PID1: variants seen among roughly 807,000 people sequenced by gnomAD.
The protein encoded by PID1 is PTB-containing, cubilin and LRP1-interacting protein.
A neutral mutation model predicts 19.1 loss-of-function variants in PID1; 10 were observed. That is an observed-to-expected ratio of 0.52 (90% CI 0.32 to 0.89). The LOEUF is 0.89. Ranked by LOEUF, PID1 falls within the 40% of genes least tolerant of loss-of-function variation. PID1 has a pLI of 0.03. For missense variants in PID1, 248 were observed against 285.3 expected, an observed-to-expected ratio of 0.87 and a Z score of 0.94; for synonymous variants, 130 against 116.0, an observed-to-expected ratio of 1.12 and a Z score of -0.78.
intron 2 of PID1, among the ~76,000 whole-genome samples, chr2:229,088,691 C>T (rs1694814916): frequency 2.0e-5 from 3 of 152,040 alleles, no homozygotes; most frequent in South Asian, 4.1e-4. Flanking sequence ...ATTCACACCA[C>T]GCACTTACTT....
At chr2:229,236,961 A>G (rs1689711659) in intron 1 of PID1, among the ~76,000 whole-genome samples, 1 of 146,430 alleles carries the variant, frequency 6.8e-6, no homozygotes, top group African/African-American at 2.5e-5. Context: ...AAAGCCTAGC[A>G]TGCGGCCTTC....
intron 2 of PID1, among the ~76,000 whole-genome samples, chr2:229,071,278 CT>C (rs1694446082): frequency 6.6e-6 from 1 of 152,194 alleles, no homozygotes; most frequent in African/African-American, 2.4e-5. Flanking sequence ...ATGGTATCAC[CT>C]CATACTCCTG....
chr2:229,083,074 GA>G (rs556829008), intron 2 of PID1, among the ~76,000 whole-genome samples: 2 of 150,966 alleles, frequency 1.3e-5, no homozygotes, highest in African/African-American at 2.4e-5. Context: ...AAACTATAAA[GA>G]AAAAAAAAGC....
chr2:229,262,555 A>C, intron 1 of PID1: 1 of 1,358,278 alleles, frequency 7.4e-7, no homozygotes, highest in Non-Finnish European at 9.6e-7. Context: ...TACCTACATC[A>C]CAGAAGTAGA....
intron 1 of PID1, among the ~76,000 whole-genome samples, chr2:229,186,482 A>G (rs1304290817): frequency 1.3e-5 from 2 of 152,174 alleles, no homozygotes; most frequent in Non-Finnish European, 2.9e-5. Context: ...GTGTACTAGC[A>G]GGCTCAACAC....
chr2:229,070,778 T>A (rs988277295), intron 2 of PID1, among the ~76,000 whole-genome samples: 1 of 152,100 alleles, frequency 6.6e-6, no homozygotes, highest in Non-Finnish European at 1.5e-5. Context: ...GAGGGTGGGA[T>A]GAGGATGAGA....
chr2:229,228,140 A>G (rs79402545), intron 1 of PID1: 2 of 442,134 alleles, frequency 4.5e-6, no homozygotes, highest in East Asian at 1.4e-4. Flanking sequence ...AGAACCTGCA[A>G]TTTTGATGGG....
chr2:229,270,010 T>C (rs1021525541), intron 1 of PID1, among the ~76,000 whole-genome samples: 1 of 152,188 alleles, frequency 6.6e-6, no homozygotes, highest in Non-Finnish European at 1.5e-5. Flanking sequence ...AAACTGTGCT[T>C]GGGGCTGTAA....
At position 229,231,897 on chromosome 2, in the gene PID1, T is replaced by TAA. The variant is rs201326791; in HGVS notation, c.30+39115_30+39116dup. Reference sequence around the variant, plus strand: ...GAAATACCACAGAGTAGATAATTTATAAAAAAAAACAGAAATTGATTTTCT... The same window carrying TAA: ...GAAATACCACAGAGTAGATAATTTATAAAAAAAAAAACAGAAATTGATTTTCT... On this transcript the variant is annotated intron_variant, in intron 1 of 2. Transcript: ENST00000392055. 3.3e-6 allele frequency: 5 copies of TAA among 1,505,004 alleles called. No homozygotes were observed. The East Asian group carries it at 7.9e-5, about 24-fold the overall frequency. 93.2% of individuals were successfully genotyped at this position (1,505,004 alleles called of 1,614,324 possible). A position where few individuals can be genotyped will look rare whatever the true frequency, so the allele number is the denominator to read the frequency against.
At chr2:229,168,486 T>C (rs752102949) in intron 1 of PID1, among the ~76,000 whole-genome samples, 7 of 152,188 alleles carry the variant, frequency 4.6e-5, no homozygotes, top group Non-Finnish European at 1.0e-4. Context: ...CCTTTTACTT[T>C]GTTGTCATTG....
chr2:229,220,539 C>T lies in PID1; in HGVS notation c.30+50475G>A, dbSNP rs6717133. On this transcript the variant is annotated intron_variant, in intron 1 of 2. Transcript: ENST00000392055. The stretch of plus-strand genomic sequence containing the variant: ...GAGCCTGTGCCAGGAAACTGAACCA[C>T]GGGTAGGAACTCCAACACCCAGGGA... Among the ~76,000 whole-genome samples the T allele has an allele frequency of 1.4e-4, 21 of 152,198 alleles. No individual in the cohort carries two copies. In the East Asian group the frequency reaches 1.7e-3, roughly 13 times the overall value.
intron 2 of PID1, among the ~76,000 whole-genome samples, chr2:229,090,117 T>A (rs2106218312): frequency 6.6e-6 from 1 of 152,278 alleles, no homozygotes; most frequent in African/African-American, 2.4e-5. Context: ...CATATCTCCC[T>A]AAAATAAAGA....
At chr2:229,100,022 A>G (rs944095429) in intron 2 of PID1, among the ~76,000 whole-genome samples, 1 of 152,170 alleles carries the variant, frequency 6.6e-6, no homozygotes, top group African/African-American at 2.4e-5. Context: ...TGCCCTTATA[A>G]GAAGACACAC....
Position 229,134,328 on chromosome 2 carries a change from C to A in PID1, c.177+21490G>T, listed in dbSNP as rs531796936. ...GATTTTGGCTCACTGCAACTTCTGCCTCCCAGGCTCAAGCAATTCTCCTGC... is the reference window on the plus strand; with the variant it reads ...GATTTTGGCTCACTGCAACTTCTGCATCCCAGGCTCAAGCAATTCTCCTGC... On this transcript the variant is annotated intron_variant, in intron 2 of 2. Coordinates refer to ENST00000392055, the MANE Select transcript of PID1 (RefSeq NM_001100818.2). 4.0e-5 allele frequency among the ~76,000 whole-genome samples: 6 copies of A among 150,218 alleles called. No individual in the cohort carries two copies. In the East Asian group the frequency reaches 1.2e-3, roughly 30 times the overall value.
chr2:229,229,269 AC>A (rs1466724971), intron 1 of PID1, among the ~76,000 whole-genome samples: 1 of 152,146 alleles, frequency 6.6e-6, no homozygotes, highest in African/African-American at 2.4e-5. Flanking sequence ...CAGCAACCTC[AC>A]CTTGAAGCTA....
rs1182446709 is a variant in PID1 at position 229,065,514 on chromosome 2, ACT to A, written c.178-39408_178-39407del. ...AATTTTTAAATGCTTCTCACTTTAC[ACT>A]CTCACATCAAAGTAAAGTACAAATA... On this transcript the variant is annotated intron_variant, in intron 2 of 2. Transcript: ENST00000392055. Among the ~76,000 whole-genome samples, 9 of 152,104 alleles carry A rather than the reference ACT, an allele frequency of 5.9e-5. No homozygotes were observed. The East Asian group carries it at 1.7e-3, about 29-fold the overall frequency.
chr2:229,067,537 C>T (rs576518644), intron 2 of PID1, among the ~76,000 whole-genome samples: 1 of 152,094 alleles, frequency 6.6e-6, no homozygotes, highest in Non-Finnish European at 1.5e-5. Context: ...CATAGCCCCA[C>T]CAAAGGCCCT....
chr2:229,241,650 C>G (rs1212154575), intron 1 of PID1, among the ~76,000 whole-genome samples: 1 of 152,106 alleles, frequency 6.6e-6, no homozygotes, highest in Non-Finnish European at 1.5e-5. Context: ...AGTACAAATT[C>G]TCAGCATTGT....
chr2:229,234,247 T>C (rs767213642), intron 1 of PID1, among the ~76,000 whole-genome samples: 1 of 152,208 alleles, frequency 6.6e-6, no homozygotes, highest in Non-Finnish European at 1.5e-5. Context: ...ACTTCAGGTA[T>C]AGGATTTAAA....
Sources: gnomAD v4.1 joint callset for allele counts (sites outside exome capture counted in the v4.1 genomes callset) on GRCh38, gnomAD v4.1.1 for gene constraint, MANE v1.5 for transcripts, NCBI Gene and HGNC (gene_info 2026-07-23, HGNC 2026-07-21) for gene names.